The following GRM7 variants were observed in gnomAD, a reference collection of about 807,000 sequenced individuals.
The protein encoded by GRM7 is metabotropic glutamate receptor 7.
GRM7 carries 35 observed loss-of-function variants against 84.5 expected under a neutral mutation model. The observed-to-expected ratio is 0.41, with a 90% confidence interval of 0.32 to 0.55. The LOEUF (loss-of-function observed/expected upper bound fraction) is 0.55. Among genes scored for constraint, GRM7 ranks in the 20% least tolerant of loss-of-function variants. The probability of loss-of-function intolerance (pLI) is 0.19; values close to 1 mark genes in which losing one functional copy is unlikely to be tolerated. For missense variants in GRM7, 1,003 were observed against 1,194.6 expected (o/e 0.84, Z 2.36); for synonymous variants, 487 against 455.1 (o/e 1.07, Z -0.89).
chr3:7,046,336 T>G (rs904182639), intron 1 of GRM7, among the ~76,000 whole-genome samples: 1 of 152,132 alleles, frequency 6.6e-6, no homozygotes, highest in Non-Finnish European at 1.5e-5. Context: ...TTAAAGAGTC[T>G]GCTGAGCTGG....
At chr3:6,911,558 A>G (rs936506810) in intron 1 of GRM7, among the ~76,000 whole-genome samples, 5 of 152,262 alleles carry the variant, frequency 3.3e-5, no homozygotes, top group Admixed American at 6.5e-5. Flanking sequence ...GAAGCAGGAA[A>G]CTGGAAAAAG....
chr3:7,367,393 G>T (rs1256494153), intron 4 of GRM7, among the ~76,000 whole-genome samples: 1 of 151,260 alleles, frequency 6.6e-6, no homozygotes, highest in Non-Finnish European at 1.5e-5. Flanking sequence ...GAATGGTAAT[G>T]GTCTAAAACC....
chr3:7,648,710 A>G (rs914975057), intron 8 of GRM7, among the ~76,000 whole-genome samples: 3 of 152,032 alleles, frequency 2.0e-5, no homozygotes, highest in African/African-American at 7.2e-5. Context: ...TGGGCAGAGA[A>G]GTCTAATGTT....
chr3:7,079,715 T>C (rs1160841497), intron 1 of GRM7, among the ~76,000 whole-genome samples: 4 of 152,026 alleles, frequency 2.6e-5, no homozygotes, highest in East Asian at 1.9e-4. Context: ...TTTAGCAGGG[T>C]TGATTGAATA....
chr3:7,227,449 G>T (rs1235358621), intron 2 of GRM7, among the ~76,000 whole-genome samples: 5 of 152,130 alleles, frequency 3.3e-5, no homozygotes, highest in Non-Finnish European at 5.9e-5. Flanking sequence ...ACCGCAGAAG[G>T]TAGCCACAAT....
rs1161379480 is a variant in GRM7, at chr3:6,871,555, G to A, written c.519+9648G>A. On this transcript the variant is annotated intron_variant, in intron 1 of 9. Coordinates refer to ENST00000357716, the MANE Select transcript of GRM7 (RefSeq NM_000844.4). ...AAAATATGACGGGAAATTTTATCTC[G>A]TAGGTTGTCATCTCCGTTTAGGTAT... Among the ~76,000 whole-genome samples, 8 of 151,198 alleles carry A rather than the reference G, an allele frequency of 5.3e-5. No individual in the cohort carries two copies. The South Asian group carries it at 8.4e-4, about 16-fold the overall frequency.
intron 1 of GRM7, among the ~76,000 whole-genome samples, chr3:6,956,953 C>T (rs1451300275): frequency 1.3e-5 from 2 of 152,110 alleles, no homozygotes; most frequent in African/African-American, 4.8e-5. Context: ...AAAAATGCTG[C>T]TGAGAAGAAC....
At chr3:7,556,193 C>A (rs1693748329) in intron 7 of GRM7, among the ~76,000 whole-genome samples, 1 of 152,140 alleles carries the variant, frequency 6.6e-6, no homozygotes, top group Admixed American at 6.5e-5. Flanking sequence ...AGGCACCTCT[C>A]TTGGGCCTTT....
intron 1 of GRM7, among the ~76,000 whole-genome samples, chr3:7,135,722 GA>G (rs150217138): frequency 0.03 from 4,491 of 151,486 alleles, 172 homozygotes; most frequent in African/African-American, 0.09. Flanking sequence ...GTAATATAGA[GA>G]AAAAAATATA....
intron 1 of GRM7, among the ~76,000 whole-genome samples, chr3:7,079,347 G>T (rs1698202714): frequency 6.6e-6 from 1 of 152,056 alleles, no homozygotes; most frequent in Non-Finnish European, 1.5e-5. Flanking sequence ...CAGATATTGT[G>T]AGGACAGACA....
chr3:7,362,767 G>T (rs925212113), intron 4 of GRM7, among the ~76,000 whole-genome samples: 2 of 152,110 alleles, frequency 1.3e-5, no homozygotes, highest in East Asian at 3.9e-4. Flanking sequence ...TCAGATATCA[G>T]TCCTACTGCC....
chr3:7,142,731 A>G (rs1574955643), intron 1 of GRM7, among the ~76,000 whole-genome samples: 2 of 152,200 alleles, frequency 1.3e-5, no homozygotes, highest in Non-Finnish European at 2.9e-5. Context: ...ACAGGGATCA[A>G]GGTATTAAAA....
chr3:7,183,339 T>C (rs899943664), intron 2 of GRM7, among the ~76,000 whole-genome samples: 3 of 152,044 alleles, frequency 2.0e-5, no homozygotes, highest in African/African-American at 7.2e-5. Context: ...ATAGAAAAAA[T>C]AATGAAGCTG....
In GRM7 at chr3:6,955,534, CA is replaced by C. The variant is rs574682751; in HGVS notation, c.519+93638del. On this transcript the variant is annotated intron_variant, in intron 1 of 9. Transcript: ENST00000357716. ...CCTGGGTGACAGAGCCAGGCTCCAT[CA>C]AAAAAAAAAAGAAGAATAGAATGAC... 6.5e-3 allele frequency among the ~76,000 whole-genome samples: 925 copies of C among 141,662 alleles called. 10 individuals carry two copies. The highest frequency in any genetic ancestry group is 0.019 in the African/African-American group (727 of 38,788). 92.9% of individuals were successfully genotyped at this position (141,662 alleles called of 152,430 possible).
intron 2 of GRM7, among the ~76,000 whole-genome samples, chr3:7,236,216 G>T (rs1315481328): frequency 6.6e-6 from 1 of 152,186 alleles, no homozygotes; most frequent in Non-Finnish European, 1.5e-5. Flanking sequence ...TGAGGGTTAA[G>T]TTTCAACATG....
Position 7,110,251 on chromosome 3 carries a change from A to C in GRM7, c.520-36201A>C, listed in dbSNP as rs140233427. Among the ~76,000 whole-genome samples, 1,062 of 152,248 alleles carry C rather than the reference A, an allele frequency of 7.0e-3. 37 individuals are homozygous for C. The highest frequency in any genetic ancestry group is 0.062 in the Admixed American group (950 of 15,270). On this transcript the variant is annotated intron_variant, in intron 1 of 9. Transcript: ENST00000357716. ...AATGCCAGATGTCCAACCCAATCAC[A>C]TTATATAAACATTGATTATGTACCT... is the stretch of plus-strand genomic sequence containing the variant.
chr3:7,521,672 G>A (rs1220696920), intron 7 of GRM7, among the ~76,000 whole-genome samples: 3 of 152,076 alleles, frequency 2.0e-5, no homozygotes, highest in Non-Finnish European at 4.4e-5. Context: ...ATGACATACT[G>A]GAGATGTATA....
chr3:6,951,137 A>G (rs1194257277), intron 1 of GRM7, among the ~76,000 whole-genome samples: 2 of 152,198 alleles, frequency 1.3e-5, no homozygotes, highest in East Asian at 1.9e-4. Context: ...CGTCGCTCAC[A>G]CTGGAAGCTG....
chr3:7,034,972 A>T (rs1696332093), intron 1 of GRM7, among the ~76,000 whole-genome samples: 1 of 152,190 alleles, frequency 6.6e-6, no homozygotes, highest in South Asian at 2.1e-4. Context: ...TCAGGCTTGT[A>T]CAGAGAACAT....
Sources: allele counts gnomAD v4.1 joint callset (sites outside exome capture counted in the v4.1 genomes callset), GRCh38; gene constraint gnomAD v4.1.1; transcripts MANE v1.5; gene names NCBI Gene and HGNC (gene_info 2026-07-23, HGNC 2026-07-21).